Variants in ATRNL1 observed in about 807,000 individuals in gnomAD.
ATRNL1 encodes the protein attractin-like protein 1.
ATRNL1 carries 95 observed loss-of-function variants against 182.7 expected under a neutral mutation model. The ratio of observed to expected loss-of-function variants is 0.52; its 90% CI spans 0.44 to 0.62. The LOEUF is 0.62. Among genes scored for constraint, ATRNL1 ranks in the 20% least tolerant of loss-of-function variants. The probability of loss-of-function intolerance (pLI) is 0.00; values close to 1 mark genes in which losing one functional copy is unlikely to be tolerated. For synonymous variants in ATRNL1, 576 were observed against 568.3 expected (o/e 1.01, Z -0.19); for missense variants, 1,471 against 1,679.5 (o/e 0.88, Z 2.17).
chr10:115,545,092 AATG>A (rs1852571878), intron 25 of ATRNL1, among the ~76,000 whole-genome samples: 1 of 152,064 alleles, frequency 6.6e-6, no homozygotes, highest in African/African-American at 2.4e-5. Context: ...TATTAGAAAA[AATG>A]ATGTTATTCA....
At chr10:115,350,735 T>C (rs558275906) in intron 19 of ATRNL1, among the ~76,000 whole-genome samples, 1 of 152,288 alleles carries the variant, frequency 6.6e-6, no homozygotes, top group South Asian at 2.1e-4. Context: ...TGGTCAAGAT[T>C]GCTTTGGCTA....
intron 9 of ATRNL1, among the ~76,000 whole-genome samples, chr10:115,237,251 G>T (rs111691144): frequency 1.4e-4 from 21 of 152,260 alleles, no homozygotes; most frequent in African/African-American, 4.8e-4. Flanking sequence ...AACTCATTCA[G>T]GTGACCACCA....
intron 25 of ATRNL1, among the ~76,000 whole-genome samples, chr10:115,530,840 C>A (rs1336602330): frequency 1.6e-4 from 22 of 138,794 alleles, no homozygotes; most frequent in African/African-American, 4.9e-4. Context: ...CATGTGTTCT[C>A]ATTGTTCAAT....
intron 27 of ATRNL1, among the ~76,000 whole-genome samples, chr10:115,805,816 A>G (rs1949908471): frequency 6.6e-6 from 1 of 152,152 alleles, no homozygotes; most frequent in African/African-American, 2.4e-5. Context: ...ATAACCTTAA[A>G]TCATGTCAGA....
chr10:115,403,139 G>A (rs189050811), intron 20 of ATRNL1, among the ~76,000 whole-genome samples: 10 of 151,504 alleles, frequency 6.6e-5, no homozygotes, highest in Admixed American at 2.6e-4. Context: ...ATTCCTTTCC[G>A]TTTTAGGAAG....
In ATRNL1 at chr10:115,286,232, A is replaced by T; in HGVS notation, c.2250A>T (p.Glu750Asp). 1 of 1,573,938 alleles carries T rather than the reference A, an allele frequency of 6.4e-7. No individual in the cohort carries two copies. Among genetic ancestry groups the T allele is most frequent in the South Asian group, 1.1e-5 (1 of 87,596 alleles). The stretch of plus-strand genomic sequence containing the variant: ...TCTTACTAGCTCATCTTTGTGGAGA[A>T]GGATGGAGTCATATTGGGGATGCTT... ...CQALPAHLCG[E>D]GWSHIGDACL... Residue 750 changes from glutamate to aspartate, a missense_variant, in exon 15 of 29, where the codon GAA becomes GAT. This residue lies in a region of ATRNL1 where 1,031 missense variants were observed against 1,156.0 expected (regional missense o/e 0.89). Transcript: ENST00000355044.
intron 5 of ATRNL1, among the ~76,000 whole-genome samples, chr10:115,131,393 G>A (rs1379581638): frequency 1.3e-5 from 2 of 152,054 alleles, no homozygotes. Flanking sequence ...TATGTTTGAA[G>A]GAGGCCTTGT....
At chr10:115,471,603 G>C (rs1030050659) in intron 24 of ATRNL1, among the ~76,000 whole-genome samples, 2 of 151,044 alleles carry the variant, frequency 1.3e-5, no homozygotes, top group Admixed American at 1.3e-4. Context: ...TAGCAATGCT[G>C]AGCACCATTT....
chr10:115,252,636 T>C (rs1850932241), intron 10 of ATRNL1, among the ~76,000 whole-genome samples: 1 of 152,216 alleles, frequency 6.6e-6, no homozygotes, highest in Admixed American at 6.5e-5. Flanking sequence ...ACTTCTGATA[T>C]TCCCATTTTG....
chr10:115,506,697 C>T (rs1386137533), intron 24 of ATRNL1, among the ~76,000 whole-genome samples: 2 of 152,018 alleles, frequency 1.3e-5, no homozygotes, highest in African/African-American at 4.8e-5. Context: ...CTTTAGATCT[C>T]GACCAAATTT....
At chr10:115,828,536 C>A (rs1950490133) in intron 27 of ATRNL1, among the ~76,000 whole-genome samples, 1 of 152,168 alleles carries the variant, frequency 6.6e-6, no homozygotes, top group African/African-American at 2.4e-5. Flanking sequence ...AGCTACAGTA[C>A]AATGTTTGCT....
chr10:115,361,470 C>T (rs987305613), intron 19 of ATRNL1, among the ~76,000 whole-genome samples: 2 of 151,988 alleles, frequency 1.3e-5, no homozygotes, highest in African/African-American at 4.8e-5. Context: ...TGTGGATCAC[C>T]TCAGCAGACA....
chr10:115,616,118 A>G (rs1275885847), intron 26 of ATRNL1, among the ~76,000 whole-genome samples: 1 of 152,206 alleles, frequency 6.6e-6, no homozygotes, highest in Admixed American at 6.5e-5. Context: ...ATGAGACCTC[A>G]GTTGGAAATG....
At chr10:115,152,908 A>T (rs1374369347) in intron 5 of ATRNL1, among the ~76,000 whole-genome samples, 1 of 151,976 alleles carries the variant, frequency 6.6e-6, no homozygotes, top group Non-Finnish European at 1.5e-5. Context: ...GAATTTATTG[A>T]GATTTTTTTT....
At chr10:115,564,423 T>A (rs1853947968) in intron 26 of ATRNL1, among the ~76,000 whole-genome samples, 1 of 151,994 alleles carries the variant, frequency 6.6e-6, no homozygotes, top group Non-Finnish European at 1.5e-5. Context: ...TCTAGTTCCT[T>A]GAGTAGCTAG....
rs1199769260 is a variant in ATRNL1, at chr10:115,375,017, TG to T, written c.3176-19641del. The stretch of plus-strand genomic sequence containing the variant: ...ATAAAGTGTAGGTCAAATCCAATGT[TG>T]TTTTTTTTTTAATAGACATTTTATC... On this transcript the variant is annotated intron_variant, in intron 19 of 28. Coordinates refer to ENST00000355044, the MANE Select transcript of ATRNL1 (RefSeq NM_207303.4). Among the ~76,000 whole-genome samples the T allele has an allele frequency of 1.3e-4, 20 of 151,762 alleles. No individual in the cohort carries two copies. In the East Asian group the frequency reaches 2.7e-3, roughly 21 times the overall value.
rs114488896 is a variant in ATRNL1, at chr10:115,732,855, T to C, written c.3903+5500T>C. Among the ~76,000 whole-genome samples the C allele has an allele frequency of 2.9e-3, 448 of 152,308 alleles. 1 individual carries two copies. The highest frequency in any genetic ancestry group is 0.01 in the African/African-American group (421 of 41,566). On this transcript the variant is annotated intron_variant, in intron 27 of 28. Transcript: ENST00000355044. ...TTAAAGTTCATGTAGTATACTTTGA[T>C]TCCAGGTGCTCAAATAGTCATAGAT...
intron 27 of ATRNL1, among the ~76,000 whole-genome samples, chr10:115,846,155 C>T (rs1464459646): frequency 1.3e-5 from 2 of 152,028 alleles, no homozygotes. Flanking sequence ...AGTATTGCAA[C>T]ATGGCTTACA....
chr10:115,209,042 A>G (rs941221319), intron 8 of ATRNL1, among the ~76,000 whole-genome samples: 1 of 151,908 alleles, frequency 6.6e-6, no homozygotes, highest in Non-Finnish European at 1.5e-5. Context: ...AGTAAAAAAT[A>G]AAAATGACTC....
Sources: allele counts gnomAD v4.1 joint callset (sites outside exome capture counted in the v4.1 genomes callset), GRCh38; gene constraint gnomAD v4.1.1; regional missense constraint gnomAD v4.1.1; transcripts MANE v1.5; gene names NCBI Gene and HGNC (gene_info 2026-07-23, HGNC 2026-07-21).